Variants in ADGRE3 observed in about 807,000 individuals in gnomAD.
ADGRE3 encodes EGF-like module receptor 3.
ADGRE3 carries 88 observed loss-of-function variants against 80.1 expected under a neutral mutation model. The ratio of observed to expected loss-of-function variants is 1.10; its 90% confidence interval spans 0.93 to 1.31. ADGRE3 has a LOEUF of 1.31. Ranked by LOEUF, ADGRE3 falls within the 40% of genes most tolerant of loss-of-function variation. ADGRE3 has a pLI of 0.00. For synonymous variants in ADGRE3, 281 were observed against 294.8 expected (o/e 0.95, Z 0.48); for missense variants, 715 against 776.5 (o/e 0.92, Z 0.94).
chr19:14,615,635 G>C (rs1423261964), downstream of ADGRE3, among the ~76,000 whole-genome samples: 1 of 151,472 alleles, frequency 6.6e-6, no homozygotes. Context: ...GGTGGTGCGT[G>C]CCTGTAATCC....
At chr19:14,636,130 C>CTT (rs1272525138) in intron 11 of ADGRE3, among the ~76,000 whole-genome samples, 6 of 78,416 alleles carry the variant, frequency 7.7e-5, no homozygotes, top group African/African-American at 1.3e-4. Context: ...TTCTTTCTTT[C>CTT]TTTCTTTCTT....
At chr19:14,660,565 A>G (rs1292924249) in intron 4 of ADGRE3, among the ~76,000 whole-genome samples, 2 of 151,804 alleles carry the variant, frequency 1.3e-5, no homozygotes, top group Non-Finnish European at 2.9e-5. Context: ...TCAAGGCTGC[A>G]GTGTGCAATG....
intron 13 of ADGRE3, among the ~76,000 whole-genome samples, chr19:14,631,431 A>ATAAACTGAGACTGTTCCAGG (rs1187652954): frequency 4.0e-5 from 6 of 151,466 alleles, no homozygotes; most frequent in African/African-American, 1.5e-4. Context: ...GTCGACAGAC[A>ATAAACTGAGACTGTTCCAGG]TAAACTGAGA....
intron 7 of ADGRE3, among the ~76,000 whole-genome samples, chr19:14,648,894 A>G (rs1287463729): frequency 6.6e-6 from 1 of 152,076 alleles, no homozygotes; most frequent in Non-Finnish European, 1.5e-5. Context: ...CCAATTCTTT[A>G]AAATGACTCT....
intron 6 of ADGRE3, among the ~76,000 whole-genome samples, chr19:14,651,757 A>T (rs1971613772): frequency 6.6e-6 from 1 of 152,060 alleles, no homozygotes; most frequent in Non-Finnish European, 1.5e-5. Context: ...AAGTGATGAT[A>T]TGGGCTGGGC....
At chr19:14,653,482 T>G (rs1971663143) in intron 6 of ADGRE3, among the ~76,000 whole-genome samples, 2 of 152,022 alleles carry the variant, frequency 1.3e-5, no homozygotes. Flanking sequence ...TAGCAATTAC[T>G]ACCGTAGTTT....
intron 6 of ADGRE3, 116 bp downstream of exon 6, chr19:14,654,866 G>A (rs1599640769): frequency 7.2e-6 from 5 of 693,914 alleles, no homozygotes; most frequent in Non-Finnish European, 6.8e-6. Flanking sequence ...ATAAATTTTT[G>A]TAATTTACAT....
At chr19:14,653,529 G>C (rs963869875) in intron 6 of ADGRE3, among the ~76,000 whole-genome samples, 2 of 152,024 alleles carry the variant, frequency 1.3e-5, no homozygotes, top group African/African-American at 4.8e-5. Flanking sequence ...TTTAGCTTCT[G>C]AGGGATCCTA....
At chr19:14,671,208 A>C (rs969094899) in intron 1 of ADGRE3, among the ~76,000 whole-genome samples, 4 of 152,150 alleles carry the variant, frequency 2.6e-5, no homozygotes, top group Non-Finnish European at 5.9e-5. Context: ...TAGTGGCTTA[A>C]AACAACACTG....
At chr19:14,600,591 T>C in the ADGRE3 span, among the ~76,000 whole-genome samples, 3 of 151,970 alleles carry the variant, frequency 2.0e-5, no homozygotes, top group Admixed American at 2.0e-4. Flanking sequence ...TCTTTTCTTT[T>C]TTTTTTTTGA....
intron 13 of ADGRE3, among the ~76,000 whole-genome samples, chr19:14,631,186 T>A (rs1162846482): frequency 6.6e-6 from 1 of 152,116 alleles, no homozygotes; most frequent in African/African-American, 2.4e-5. Context: ...TCATATAATT[T>A]GTTATTCAAA....
At chr19:14,665,915 A>T (rs1196625264) in intron 2 of ADGRE3, among the ~76,000 whole-genome samples, 1 of 77,420 alleles carries the variant, frequency 1.3e-5, no homozygotes, top group Non-Finnish European at 2.7e-5. Flanking sequence ...ACACATATAT[A>T]TTGCATATAC....
Position 14,647,239 on chromosome 19 carries a change from C to T in ADGRE3, c.824G>A (p.Gly275Glu), listed in dbSNP as rs760970194. ...LNSQVVSAAI[G>E]PKRNVSLSKS... Reference sequence around the variant, plus strand: ...GGAGAGAGACACGTTCCTTTTGGGTCCAATAGCAGCACTCACAACCTGAGA... The same window carrying T: ...GGAGAGAGACACGTTCCTTTTGGGTTCAATAGCAGCACTCACAACCTGAGA... The change falls in exon 8 of 16, where the codon GGA (glycine) becomes GAA (glutamate). Residue 275 changes from glycine (G) to glutamate (E), a missense_variant. Gly to Glu is a moderately conservative substitution (Grantham distance 98). Transcript: ENST00000253673. 1 of 1,613,938 alleles carries T rather than the reference C, an allele frequency of 6.2e-7. No individual in the cohort carries two copies. Among genetic ancestry groups the T allele is most frequent in the Non-Finnish European group, 8.5e-7 (1 of 1,179,952 alleles).
chr19:14,600,891 CTTTTTTTTTTTTTT>C, the ADGRE3 span, among the ~76,000 whole-genome samples: 3 of 63,184 alleles, frequency 4.7e-5, no homozygotes, highest in Admixed American at 2.2e-4. Flanking sequence ...GCTCGGCCTT[CTTTTTTTTTTTTTT>C]TTTTTTTTTT....
chr19:14,664,799 G>A (rs1972046560), intron 2 of ADGRE3, among the ~76,000 whole-genome samples: 1 of 151,540 alleles, frequency 6.6e-6, no homozygotes, highest in Non-Finnish European at 1.5e-5. Flanking sequence ...TTTTCTTTAG[G>A]CTTCATTACT....
chr19:14,600,858 G>GGATTACA, the ADGRE3 span, among the ~76,000 whole-genome samples: 1 of 147,022 alleles, frequency 6.8e-6, no homozygotes, highest in Non-Finnish European at 1.5e-5. Context: ...CAAAGTGCTG[G>GGATTACA]GATTACAGGC....
chr19:14,674,627 G>T, intron 1 of ADGRE3, 119 bp downstream of exon 1: 1 of 997,172 alleles, frequency 1.0e-6, no homozygotes, highest in Non-Finnish European at 1.5e-6. Context: ...ACTCCAAAGG[G>T]AAAAGGTGAG....
intron 10 of ADGRE3, among the ~76,000 whole-genome samples, chr19:14,640,151 A>G (rs1971209960): frequency 6.6e-6 from 1 of 152,154 alleles, no homozygotes; most frequent in African/African-American, 2.4e-5. Context: ...TGTTATCACA[A>G]ATGGCAGGAT....
chr19:14,636,066 CT>C (rs1376801182), intron 11 of ADGRE3, among the ~76,000 whole-genome samples: 5 of 99,138 alleles, frequency 5.0e-5, no homozygotes, highest in African/African-American at 1.3e-4. Context: ...CCTTCCTTTC[CT>C]TTCCTTTCCT....
Sources: allele counts gnomAD v4.1 joint callset (sites outside exome capture counted in the v4.1 genomes callset), GRCh38; gene constraint gnomAD v4.1.1; transcripts MANE v1.5; gene names NCBI Gene and HGNC (gene_info 2026-07-23, HGNC 2026-07-21).